CSMD1: variants seen among roughly 807,000 people sequenced by gnomAD.
CSMD1 encodes the protein CUB and Sushi multiple domains 1, also known as CUB and sushi domain-containing protein 1.
CSMD1 carries 213 observed loss-of-function variants against 417.5 expected under a neutral mutation model. The ratio of observed to expected loss-of-function variants is 0.51; its 90% CI spans 0.46 to 0.57. The LOEUF is 0.57. CSMD1 is among the 20% of genes least tolerant of loss of function. CSMD1 has a pLI of 0.00. For missense variants in CSMD1, 6,923 were observed against 4,529.7 expected (o/e 1.53, Z -15.17); for synonymous variants, 2,862 against 1,736.8 (o/e 1.65, Z -16.11).
At chr8:4,017,366 T>C (rs1158503347) in intron 4 of CSMD1, among the ~76,000 whole-genome samples, 1 of 152,172 alleles carries the variant, frequency 6.6e-6, no homozygotes, top group African/African-American at 2.4e-5. Flanking sequence ...AGTGCAATGG[T>C]GCGATCTTGG....
At chr8:4,931,571 A>ACG (rs377328195) in intron 1 of CSMD1, among the ~76,000 whole-genome samples, 47,385 of 152,046 alleles carry the variant, frequency 0.31, 8,300 homozygotes, top group Non-Finnish European at 0.41. Flanking sequence ...AGCTGATTTC[A>ACG]AGAAAAAAGT....
intron 5 of CSMD1, among the ~76,000 whole-genome samples, chr8:3,766,616 C>G (rs1798284129): frequency 1.3e-5 from 2 of 151,744 alleles, no homozygotes; most frequent in African/African-American, 4.8e-5. Flanking sequence ...ACAGAGATCT[C>G]TATAATAAAT....
chr8:4,407,405 T>C (rs1166080407), intron 3 of CSMD1, among the ~76,000 whole-genome samples: 2 of 152,236 alleles, frequency 1.3e-5, no homozygotes, highest in Non-Finnish European at 2.9e-5. Context: ...AACTTGTGTT[T>C]AGGTTGCTGC....
intron 9 of CSMD1, among the ~76,000 whole-genome samples, chr8:3,579,498 TA>T (rs1800292259): frequency 6.6e-6 from 1 of 152,218 alleles, no homozygotes; most frequent in Admixed American, 6.5e-5. Context: ...AAGCTTTTTT[TA>T]AAGCAAATTT....
chr8:2,975,883 G>A (rs1372201869), intron 55 of CSMD1, among the ~76,000 whole-genome samples: 2 of 152,222 alleles, frequency 1.3e-5, no homozygotes, highest in Admixed American at 6.5e-5. Context: ...CTAAACCCCA[G>A]CTCCTGGAGA....
At chr8:3,963,839 T>A (rs1433938519) in intron 5 of CSMD1, among the ~76,000 whole-genome samples, 1 of 152,174 alleles carries the variant, frequency 6.6e-6, no homozygotes, top group Non-Finnish European at 1.5e-5. Flanking sequence ...GTAAATATAA[T>A]CTTAAAACCG....
intron 5 of CSMD1, among the ~76,000 whole-genome samples, chr8:3,867,208 G>C (rs1002409339): frequency 2.6e-5 from 4 of 152,162 alleles, no homozygotes; most frequent in African/African-American, 9.7e-5. Context: ...AGACAAAAGA[G>C]TGAATTAATG....
intron 49 of CSMD1, among the ~76,000 whole-genome samples, chr8:3,078,567 C>T (rs960830328): frequency 5.3e-5 from 8 of 152,242 alleles, no homozygotes; most frequent in South Asian, 4.1e-4. Flanking sequence ...GCCTGTGGGT[C>T]GAAACCAGCC....
At chr8:4,341,280 C>T (rs1035447729) in intron 3 of CSMD1, among the ~76,000 whole-genome samples, 1 of 152,048 alleles carries the variant, frequency 6.6e-6, no homozygotes, top group Non-Finnish European at 1.5e-5. Context: ...GTCATATGGG[C>T]ATATTTCAGG....
At chr8:4,360,757 G>T (rs1027300391) in intron 3 of CSMD1, among the ~76,000 whole-genome samples, 3 of 151,616 alleles carry the variant, frequency 2.0e-5, no homozygotes, top group East Asian at 1.9e-4. Flanking sequence ...GCCTCCAAAA[G>T]TGCTGGGACT....
intron 10 of CSMD1, among the ~76,000 whole-genome samples, chr8:3,494,733 G>T (rs1010399483): frequency 1.3e-5 from 2 of 152,086 alleles, no homozygotes; most frequent in Non-Finnish European, 2.9e-5. Context: ...AGACGCAGAG[G>T]GTGTGAGAAA....
chr8:4,849,434 G>A (rs968556743), intron 1 of CSMD1, among the ~76,000 whole-genome samples: 2 of 151,912 alleles, frequency 1.3e-5, no homozygotes, highest in South Asian at 2.1e-4. Context: ...TACCCTCAGT[G>A]TACAACGGTT....
intron 4 of CSMD1, among the ~76,000 whole-genome samples, chr8:4,009,124 C>T (rs930183981): frequency 2.6e-5 from 4 of 152,146 alleles, no homozygotes; most frequent in African/African-American, 7.2e-5. Context: ...ACACCACTGA[C>T]TTAATCCAAG....
chr8:3,690,804 A>C (rs1800195401), intron 7 of CSMD1, among the ~76,000 whole-genome samples: 2 of 152,238 alleles, frequency 1.3e-5, no homozygotes, highest in South Asian at 4.1e-4. Context: ...GAATAGTCAT[A>C]TTCTAATTTT....
intron 4 of CSMD1, among the ~76,000 whole-genome samples, chr8:4,018,707 T>C (rs899993164): frequency 6.6e-6 from 1 of 152,204 alleles, no homozygotes; most frequent in African/African-American, 2.4e-5. Context: ...CTTTTAGAAA[T>C]ATTTATTTTT....
At chr8:4,074,433 T>C (rs534321289) in intron 3 of CSMD1, among the ~76,000 whole-genome samples, 39 of 151,762 alleles carry the variant, frequency 2.6e-4, no homozygotes, top group Non-Finnish European at 4.7e-4. Flanking sequence ...TTGTACATGA[T>C]TATTTACTTT....
In CSMD1 at chr8:3,872,631, A is replaced by G. The variant is rs147851185; in HGVS notation, c.819-118589T>C. On this transcript the variant is annotated intron_variant, in intron 5 of 69. Transcript: ENST00000635120. ...TCATGTCAGTTTCCACAATCCATTC[A>G]TTTTCTCTTAATTTATTAATGAGTT... is the stretch of plus-strand genomic sequence containing the variant. 1.8e-3 allele frequency among the ~76,000 whole-genome samples: 279 copies of G among 152,076 alleles called. 1 individual carries two copies. The highest frequency in any genetic ancestry group is 2.7e-3 in the Non-Finnish European group (186 of 67,994).
chr8:4,141,785 T>C (rs1164190064), intron 3 of CSMD1, among the ~76,000 whole-genome samples: 2 of 151,158 alleles, frequency 1.3e-5, no homozygotes, highest in African/African-American at 2.5e-5. Flanking sequence ...AAGTGAAACA[T>C]ATTGTGAACT....
intron 12 of CSMD1, among the ~76,000 whole-genome samples, chr8:3,453,493 G>A (rs1028290828): frequency 1.3e-5 from 2 of 152,132 alleles, no homozygotes; most frequent in African/African-American, 4.8e-5. Context: ...ATGTGTCCCA[G>A]AGATTCTGGT....
Sources: allele counts gnomAD v4.1 joint callset (sites outside exome capture counted in the v4.1 genomes callset), GRCh38; gene constraint gnomAD v4.1.1; transcripts MANE v1.5; gene names NCBI Gene and HGNC (gene_info 2026-07-23, HGNC 2026-07-21).